The following ZMYND8 variants were observed in gnomAD, a reference collection of about 807,000 sequenced individuals.
ZMYND8 encodes the protein MYND-type zinc finger-containing chromatin reader ZMYND8.
Under a neutral mutation model 140.8 loss-of-function variants are expected in ZMYND8, and 37 were observed. The observed-to-expected ratio is 0.26, with a 90% CI of 0.20 to 0.35. ZMYND8 has a LOEUF of 0.35. Among genes scored for constraint, ZMYND8 ranks in the 10% least tolerant of loss-of-function variants. The pLI is 1.00. For synonymous variants in ZMYND8, 592 were observed against 597.1 expected (o/e 0.99, Z 0.12); for missense variants, 1,068 against 1,570.0 (o/e 0.68, Z 5.40).
chr20:47,260,785 A>G (rs1336376967), intron 12 of ZMYND8, among the ~76,000 whole-genome samples: 3 of 152,080 alleles, frequency 2.0e-5, no homozygotes, highest in East Asian at 1.9e-4. Flanking sequence ...TATTTTCTCT[A>G]TCTTTCTAAA....
intron 4 of ZMYND8, 66 bp from the exon 5 acceptor site, chr20:47,294,845 T>C (rs2148018801): frequency 6.9e-7 from 1 of 1,439,712 alleles, no homozygotes. Flanking sequence ...ATGTACTGAT[T>C]TCTATTTTTT....
At chr20:47,278,270 G>A (rs767949900) in intron 10 of ZMYND8, among the ~76,000 whole-genome samples, 5 of 152,156 alleles carry the variant, frequency 3.3e-5, no homozygotes, top group African/African-American at 9.7e-5. Context: ...GGTGTGAGCC[G>A]CTGCACCCAA....
At chr20:47,282,308 T>G in intron 9 of ZMYND8, 91 bp from the exon 10 acceptor site, 1 of 1,083,984 alleles carries the variant, frequency 9.2e-7, no homozygotes, top group Non-Finnish European at 1.4e-6. Flanking sequence ...AGCAGGACTG[T>G]GGGACACAGG....
chr20:47,219,235 T>C (rs983472592), intron 21 of ZMYND8, among the ~76,000 whole-genome samples: 1 of 151,334 alleles, frequency 6.6e-6, no homozygotes. Context: ...TTTTTGTACT[T>C]TTAGTAGAGA....
chr20:47,214,158 C>T (rs749298441), intron 21 of ZMYND8, among the ~76,000 whole-genome samples: 6 of 152,134 alleles, frequency 3.9e-5, no homozygotes, highest in Non-Finnish European at 7.4e-5. Flanking sequence ...ATGTCACGTG[C>T]GCTGTCACCA....
rs1207345790 is a variant in ZMYND8, at chr20:47,333,907, C to CA, written c.85+13948dup. Among the ~76,000 whole-genome samples the CA allele has an allele frequency of 1.4e-3, 154 of 113,336 alleles. 1 individual carries two copies. The South Asian group carries it at 0.016, about 12-fold the overall frequency. The allele number at this position is 113,336 out of a possible 152,430, so 74.4% of individuals were successfully genotyped here. On this transcript the variant is annotated intron_variant, in intron 2 of 22. Transcript: ENST00000471951. ...TGGGTGACAAAGTGAGACTCCATCT[C>CA]AAAAAAAAAAGAAAAAAAAGGAAAT...
At chr20:47,219,564 A>G (rs2036640324) in intron 21 of ZMYND8, among the ~76,000 whole-genome samples, 1 of 151,668 alleles carries the variant, frequency 6.6e-6, no homozygotes, top group African/African-American at 2.4e-5. Flanking sequence ...AAGGTCCTGG[A>G]GCTGTGGTGC....
intron 8 of ZMYND8, among the ~76,000 whole-genome samples, chr20:47,286,159 A>G (rs970119152): frequency 1.1e-4 from 16 of 151,426 alleles, no homozygotes; most frequent in African/African-American, 3.9e-4. Context: ...ATATATAGAT[A>G]TAAATTTATA....
intron 12 of ZMYND8, among the ~76,000 whole-genome samples, chr20:47,255,711 C>CGTGT (rs1158896276): frequency 3.7e-4 from 14 of 37,972 alleles, no homozygotes; most frequent in African/African-American, 1.5e-3. Context: ...ATATATATAC[C>CGTGT]GTGTATGTGT....
At chr20:47,268,294 T>C (rs1171013958) in intron 11 of ZMYND8, among the ~76,000 whole-genome samples, 1 of 147,272 alleles carries the variant, frequency 6.8e-6, no homozygotes, top group African/African-American at 2.5e-5. Context: ...CCGTCTCTTT[T>C]TTTTTTTTTT....
intron 15 of ZMYND8, chr20:47,237,824 A>G (rs890018158): frequency 1.3e-5 from 2 of 152,218 alleles, no homozygotes; most frequent in Non-Finnish European, 2.9e-5. Context: ...ATCTACATCA[A>G]TGCTCACAAA....
intron 12 of ZMYND8, among the ~76,000 whole-genome samples, chr20:47,259,751 G>A (rs1386407949): frequency 6.6e-6 from 1 of 152,088 alleles, no homozygotes; most frequent in Non-Finnish European, 1.5e-5. Flanking sequence ...AAGCCAATGG[G>A]GCTGGAGTCT....
chr20:47,290,062 T>C (rs2077159801), intron 7 of ZMYND8, 125 bp downstream of exon 7: 2 of 893,700 alleles, frequency 2.2e-6, no homozygotes, highest in Non-Finnish European at 3.3e-6. Flanking sequence ...TATTCACATA[T>C]ATTAGCACAA....
intron 2 of ZMYND8, among the ~76,000 whole-genome samples, chr20:47,322,677 G>A (rs1333822130): frequency 1.3e-5 from 2 of 152,062 alleles, no homozygotes; most frequent in Non-Finnish European, 2.9e-5. Flanking sequence ...CCAAAGTGCT[G>A]GGATTACAGG....
chr20:47,290,262 T>G lies in ZMYND8; in HGVS notation c.673A>C (p.Lys225Gln). The change falls in exon 7 of 23, where the codon AAA (lysine) becomes CAA (glutamine). Residue 225 changes from lysine to glutamine, a missense_variant. Around this residue, in one of 10 missense-constraint regions of ZMYND8, gnomAD observed 109 missense variants for 314.9 expected, o/e 0.35. Coordinates refer to ENST00000471951, the MANE Select transcript of ZMYND8 (RefSeq NM_001281775.3). ...LCTLEKNAKK[K>Q]MYGCTEAFLA... ...AAGGCTTCTGTGCAGCCATACATTT[T>G]CTTTTTCGCATTCTGGGAAGAAAAG... The G allele has an allele frequency of 6.2e-7, 1 of 1,613,420 alleles. No individual in the cohort carries two copies. The highest frequency in any genetic ancestry group is 8.5e-7 in the Non-Finnish European group (1 of 1,179,750).
intron 2 of ZMYND8, chr20:47,318,624 AT>A (rs1569185738): frequency 2.4e-6 from 1 of 413,602 alleles, no homozygotes; most frequent in South Asian, 1.7e-5. Flanking sequence ...TTAGCAAATG[AT>A]TATTTCCTCC....
At chr20:47,341,039 C>T (rs1205436019) in intron 2 of ZMYND8, among the ~76,000 whole-genome samples, 2 of 152,064 alleles carry the variant, frequency 1.3e-5, no homozygotes, top group African/African-American at 2.4e-5. Flanking sequence ...AGTAAACAAA[C>T]GGTGGACAGT....
chr20:47,270,003 G>A (rs916912933), intron 11 of ZMYND8, among the ~76,000 whole-genome samples: 4 of 152,198 alleles, frequency 2.6e-5, no homozygotes, highest in African/African-American at 4.8e-5. Flanking sequence ...CAGCATTTTG[G>A]GAGGCTGAGG....
At chr20:47,350,955 C>T (rs1379562137) in intron 1 of ZMYND8, among the ~76,000 whole-genome samples, 1 of 152,136 alleles carries the variant, frequency 6.6e-6, no homozygotes, top group Non-Finnish European at 1.5e-5. Flanking sequence ...TTGTATACAC[C>T]ACCACCTCTT....
Sources: allele counts gnomAD v4.1 joint callset (sites outside exome capture counted in the v4.1 genomes callset), GRCh38; gene constraint gnomAD v4.1.1; regional missense constraint gnomAD v4.1.1; transcripts MANE v1.5; gene names NCBI Gene and HGNC (gene_info 2026-07-23, HGNC 2026-07-21).